OTUD7A: variants seen among roughly 807,000 people sequenced by gnomAD.
OTUD7A encodes OTU domain-containing protein 7A.
Under a neutral mutation model 65.7 loss-of-function variants are expected in OTUD7A, and 12 were observed. The ratio of observed to expected loss-of-function variants is 0.18; its 90% CI spans 0.12 to 0.30. OTUD7A has a LOEUF of 0.30. Ranked by LOEUF, OTUD7A falls within the 10% of genes least tolerant of loss-of-function variation. The pLI is 1.00. For synonymous variants in OTUD7A, 641 were observed against 586.3 expected, an observed-to-expected ratio of 1.09 and a Z score of -1.35; for missense variants, 1,148 against 1,304.8, an observed-to-expected ratio of 0.88 and a Z score of 1.85.
intron 1 of OTUD7A, among the ~76,000 whole-genome samples, chr15:31,785,974 C>T (rs1454767188): frequency 1.3e-5 from 2 of 152,026 alleles, no homozygotes; most frequent in Non-Finnish European, 2.9e-5. Context: ...GAGGCAGAGC[C>T]CTCAGGAATG....
chr15:31,509,916 A>AT (rs112193858), intron 8 of OTUD7A, among the ~76,000 whole-genome samples: 3,412 of 119,508 alleles, frequency 0.029, 123 homozygotes, highest in African/African-American at 0.098. Context: ...ACTTTTTTCT[A>AT]TTTTTTTTTC....
At chr15:31,688,248 C>T (rs943291097) in intron 1 of OTUD7A, among the ~76,000 whole-genome samples, 4 of 149,776 alleles carry the variant, frequency 2.7e-5, no homozygotes, top group African/African-American at 9.8e-5. Flanking sequence ...ATAAAGAGAA[C>T]TCTTGTAGAA....
At chr15:31,746,934 G>A (rs1369216646) in intron 1 of OTUD7A, among the ~76,000 whole-genome samples, 1 of 152,094 alleles carries the variant, frequency 6.6e-6, no homozygotes, top group African/African-American at 2.4e-5. Flanking sequence ...TCTTGGTAGG[G>A]GTGTCATTTA....
intron 1 of OTUD7A, among the ~76,000 whole-genome samples, chr15:31,756,020 C>A (rs1257564311): frequency 1.3e-5 from 2 of 152,198 alleles, no homozygotes; most frequent in Non-Finnish European, 2.9e-5. Context: ...GCTGAGGACT[C>A]CAGCCTCACC....
intron 1 of OTUD7A, among the ~76,000 whole-genome samples, chr15:31,822,757 G>A (rs1286013958): frequency 6.6e-6 from 1 of 152,156 alleles, no homozygotes; most frequent in Non-Finnish European, 1.5e-5. Context: ...GACCCCTCAG[G>A]ACCAAGAGGG....
intron 1 of OTUD7A, among the ~76,000 whole-genome samples, chr15:31,855,596 G>A (rs922863561): frequency 6.6e-6 from 1 of 152,138 alleles, no homozygotes; most frequent in Admixed American, 6.5e-5. Flanking sequence ...TTTAAACAGA[G>A]CACTAAGAAT....
chr15:31,842,918 T>C (rs992511418), intron 1 of OTUD7A, among the ~76,000 whole-genome samples: 3 of 152,152 alleles, frequency 2.0e-5, no homozygotes, highest in Non-Finnish European at 2.9e-5. Flanking sequence ...TCCTAATTAA[T>C]GCTCTCGGTT....
intron 1 of OTUD7A, among the ~76,000 whole-genome samples, chr15:31,813,325 C>T (rs868603649): frequency 6.6e-6 from 1 of 152,196 alleles, no homozygotes; most frequent in African/African-American, 2.4e-5. Context: ...ACAGTAGAAA[C>T]TCAATAAATT....
At chr15:31,678,008 T>C (rs1473685274) in intron 1 of OTUD7A, among the ~76,000 whole-genome samples, 1 of 152,138 alleles carries the variant, frequency 6.6e-6, no homozygotes, top group African/African-American at 2.4e-5. Flanking sequence ...TGGTCTCAGA[T>C]GGAGATGAGG....
chr15:31,812,553 C>T (rs1019009841), intron 1 of OTUD7A, among the ~76,000 whole-genome samples: 1 of 152,158 alleles, frequency 6.6e-6, no homozygotes, highest in African/African-American at 2.4e-5. Context: ...GCCAAATCTC[C>T]CTTTTTGGTG....
At chr15:31,754,541 T>C (rs1894755490) in intron 1 of OTUD7A, among the ~76,000 whole-genome samples, 1 of 152,200 alleles carries the variant, frequency 6.6e-6, no homozygotes. Context: ...TTGTATAAGG[T>C]GACAGACAAG....
rs2041094427 is a variant in OTUD7A, at chr15:31,480,082, CACCTCCAGTT to C, written c.*3202_*3211del. 1 of 152,176 alleles carries C rather than the reference CACCTCCAGTT, an allele frequency of 6.6e-6. No homozygotes were observed. Among genetic ancestry groups the C allele is most frequent in the African/African-American group, 2.4e-5 (1 of 41,446 alleles). The allele number at this position is 152,176 out of a possible 1,614,324, so 9.4% of individuals were successfully genotyped here. A position where few individuals can be genotyped will look rare whatever the true frequency, so the allele number is the denominator to read the frequency against. Reference sequence around the variant, plus strand: ...CGGAGCCCACAGTGGAGCTCCTTCCCACCTCCAGTTACCCTTCCAAGGGACAACCCTGTGG... The same window carrying C: ...CGGAGCCCACAGTGGAGCTCCTTCCCACCCTTCCAAGGGACAACCCTGTGG... On this transcript the variant is annotated 3_prime_UTR_variant, in exon 13 of 13. Coordinates refer to ENST00000307050, the MANE Select transcript of OTUD7A (RefSeq NM_001382637.1).
intron 8 of OTUD7A, among the ~76,000 whole-genome samples, chr15:31,512,024 T>G (rs1176963614): frequency 6.6e-6 from 1 of 152,202 alleles, no homozygotes; most frequent in Non-Finnish European, 1.5e-5. Flanking sequence ...CATGGCTTTT[T>G]GTGTCTAGTC....
chr15:31,709,349 C>T (rs549642839), intron 1 of OTUD7A, among the ~76,000 whole-genome samples: 5 of 152,154 alleles, frequency 3.3e-5, no homozygotes, highest in East Asian at 1.9e-4. Flanking sequence ...AAGGTGCCAG[C>T]GGGGCACCAC....
chr15:31,793,250 C>A (rs1895866218), intron 1 of OTUD7A, among the ~76,000 whole-genome samples: 1 of 152,186 alleles, frequency 6.6e-6, no homozygotes, highest in Non-Finnish European at 1.5e-5. Context: ...TCAGTTCCTA[C>A]CCTCTGGGCT....
intron 1 of OTUD7A, among the ~76,000 whole-genome samples, chr15:31,757,131 C>T (rs1182872884): frequency 6.6e-6 from 1 of 152,062 alleles, no homozygotes; most frequent in Non-Finnish European, 1.5e-5. Flanking sequence ...ACTCCCATAC[C>T]CCAGCTCCTG....
intron 1 of OTUD7A, among the ~76,000 whole-genome samples, chr15:31,805,492 C>T (rs988134915): frequency 6.6e-6 from 1 of 152,198 alleles, no homozygotes; most frequent in African/African-American, 2.4e-5. Flanking sequence ...AGATAACTTC[C>T]CTGTCTGCAC....
chr15:31,675,847 AT>A (rs1189669586), intron 1 of OTUD7A, among the ~76,000 whole-genome samples: 1 of 152,112 alleles, frequency 6.6e-6, no homozygotes, highest in African/African-American at 2.4e-5. Context: ...GGAAACCTTT[AT>A]TTTTTTTCCT....
At chr15:31,645,341 A>T (rs980389898) in intron 3 of OTUD7A, among the ~76,000 whole-genome samples, 1 of 152,196 alleles carries the variant, frequency 6.6e-6, no homozygotes, top group Admixed American at 6.5e-5. Flanking sequence ...CTGATACTTC[A>T]TCTTGGCTGG....
Sources: gnomAD v4.1 joint callset for allele counts (sites outside exome capture counted in the v4.1 genomes callset) on GRCh38, gnomAD v4.1.1 for gene constraint, MANE v1.5 for transcripts, NCBI Gene and HGNC (gene_info 2026-07-23, HGNC 2026-07-21) for gene names.